The following GNG2 variants were observed in gnomAD, a reference collection of about 807,000 sequenced individuals.
The protein encoded by GNG2 is guanine nucleotide-binding protein G(I)/G(S)/G(O) subunit gamma-2.
In GNG2, 5 loss-of-function variants were observed where a neutral mutation model predicts 5.5. The observed-to-expected ratio is 0.91, with a 90% CI of 0.48 to 1.92. The LOEUF (loss-of-function observed/expected upper bound fraction) is 1.92, where lower values mean the gene tolerates loss of function less well. Among genes scored for constraint, GNG2 ranks in the 30% most tolerant of loss-of-function variants. The pLI is 0.01. For missense variants in GNG2, 55 were observed against 88.4 expected, an observed-to-expected ratio of 0.62 and a Z score of 1.52; for synonymous variants, 28 against 32.0, an observed-to-expected ratio of 0.88 and a Z score of 0.42.
intron 2 of GNG2, among the ~76,000 whole-genome samples, chr14:51,831,770 T>C (rs1329104235): frequency 1.3e-5 from 2 of 152,198 alleles, no homozygotes; most frequent in Non-Finnish European, 2.9e-5. Context: ...TAGTGTTATT[T>C]TGAAAAATAA....
At chr14:51,945,108 A>G (rs1040560044) in intron 2 of GNG2, among the ~76,000 whole-genome samples, 1 of 147,858 alleles carries the variant, frequency 6.8e-6, no homozygotes, top group African/African-American at 2.5e-5. Context: ...GATGGCTACT[A>G]TGAAAACAAA....
At chr14:51,955,632 T>G (rs1889233771) in intron 3 of GNG2, among the ~76,000 whole-genome samples, 1 of 152,196 alleles carries the variant, frequency 6.6e-6, no homozygotes, top group African/African-American at 2.4e-5. Context: ...TTTATGGACT[T>G]GGAGATTCCA....
intron 2 of GNG2, among the ~76,000 whole-genome samples, chr14:51,852,194 T>C (rs990061589): frequency 2.0e-5 from 3 of 152,174 alleles, no homozygotes; most frequent in East Asian, 1.9e-4. Flanking sequence ...TAAACAATAA[T>C]GTATAATGAA....
intron 1 of GNG2, among the ~76,000 whole-genome samples, chr14:51,870,388 A>G (rs1883222386): frequency 6.6e-6 from 1 of 152,256 alleles, no homozygotes; most frequent in Non-Finnish European, 1.5e-5. Flanking sequence ...AGAAGGAAAT[A>G]CATCAGGTCC....
chr14:51,863,901 T>C (rs1882691080), intron 1 of GNG2, among the ~76,000 whole-genome samples: 1 of 152,240 alleles, frequency 6.6e-6, no homozygotes, highest in Admixed American at 6.5e-5. Context: ...ATGTATAGAC[T>C]ATACTTTGTT....
At chr14:51,939,839 A>G (rs923425448) in intron 2 of GNG2, 2 of 152,262 alleles carry the variant, frequency 1.3e-5, no homozygotes, top group Non-Finnish European at 2.9e-5. Context: ...ACCCCAGATT[A>G]GGATCAGTCT....
At chr14:51,834,857 C>A (rs1387934668) in intron 2 of GNG2, among the ~76,000 whole-genome samples, 1 of 152,140 alleles carries the variant, frequency 6.6e-6, no homozygotes, top group Non-Finnish European at 1.5e-5. Context: ...TTTATTTGTG[C>A]TATATCCTGC....
chr14:51,893,959 A>C (rs140788288), intron 2 of GNG2, among the ~76,000 whole-genome samples: 2 of 152,176 alleles, frequency 1.3e-5, no homozygotes, highest in East Asian at 3.9e-4. Flanking sequence ...TTTCTATTCC[A>C]ATGTCAATGA....
At chr14:51,889,142 T>G (rs1012923946) in intron 2 of GNG2, among the ~76,000 whole-genome samples, 1 of 144,774 alleles carries the variant, frequency 6.9e-6, no homozygotes, top group African/African-American at 2.6e-5. Context: ...AGATGGAGTC[T>G]CGCTCTGTCG....
At chr14:51,876,629 T>C (rs1295604347) in intron 1 of GNG2, among the ~76,000 whole-genome samples, 1 of 152,096 alleles carries the variant, frequency 6.6e-6, no homozygotes, top group East Asian at 1.9e-4. Flanking sequence ...TTCTTTTTGC[T>C]GTCATTAATC....
intron 3 of GNG2, among the ~76,000 whole-genome samples, chr14:51,959,689 C>G (rs576885034): frequency 6.6e-6 from 1 of 150,926 alleles, no homozygotes; most frequent in South Asian, 2.1e-4. Context: ...AATGGGTCAC[C>G]ATTTATTTTA....
At chr14:51,889,239 A>G (rs1354978267) in intron 2 of GNG2, among the ~76,000 whole-genome samples, 5 of 151,766 alleles carry the variant, frequency 3.3e-5, no homozygotes, top group Non-Finnish European at 7.4e-5. Context: ...CAGCCTCCCA[A>G]GTAGCTGGGA....
intron 2 of GNG2, chr14:51,916,506 T>A: frequency 2.5e-6 from 1 of 396,428 alleles, no homozygotes; most frequent in Admixed American, 2.7e-5. Flanking sequence ...ACGAAAATAA[T>A]CCTGAAAAAA....
At chr14:51,880,446 G>T (rs1277910842) in intron 2 of GNG2, among the ~76,000 whole-genome samples, 1 of 152,122 alleles carries the variant, frequency 6.6e-6, no homozygotes, top group African/African-American at 2.4e-5. Context: ...CATACATTAA[G>T]TTATCCCCAC....
intron 2 of GNG2, among the ~76,000 whole-genome samples, chr14:51,914,872 C>T (rs368949782): frequency 2.6e-5 from 4 of 152,188 alleles, no homozygotes; most frequent in East Asian, 1.9e-4. Context: ...GAAGATGGTA[C>T]GATTGGGGTC....
At chr14:51,930,928 C>T (rs1254597577) in intron 2 of GNG2, among the ~76,000 whole-genome samples, 2 of 152,124 alleles carry the variant, frequency 1.3e-5, no homozygotes, top group Admixed American at 6.5e-5. Flanking sequence ...AGAACTTACT[C>T]ATTAGTGCGA....
intron 1 of GNG2, among the ~76,000 whole-genome samples, chr14:51,869,127 A>G (rs1264469935): frequency 6.6e-6 from 1 of 152,268 alleles, no homozygotes; most frequent in Non-Finnish European, 1.5e-5. Context: ...AGACTAACAT[A>G]TGTCAAGAAT....
intron 2 of GNG2, among the ~76,000 whole-genome samples, chr14:51,878,833 T>A (rs1883852678): frequency 1.3e-5 from 2 of 152,248 alleles, no homozygotes; most frequent in South Asian, 4.1e-4. Flanking sequence ...GGCTGAGACA[T>A]CCCATATTCT....
chr14:51,849,673 C>T (rs1881816726), intron 2 of GNG2, among the ~76,000 whole-genome samples: 1 of 152,166 alleles, frequency 6.6e-6, no homozygotes, highest in Non-Finnish European at 1.5e-5. Context: ...TTTTTGCATT[C>T]CCTCACTATC....
Sources: allele counts gnomAD v4.1 joint callset (sites outside exome capture counted in the v4.1 genomes callset), GRCh38; gene constraint gnomAD v4.1.1; transcripts MANE v1.5; gene names NCBI Gene and HGNC (gene_info 2026-07-23, HGNC 2026-07-21).